DPP6: variants seen among roughly 807,000 people sequenced by gnomAD.
The protein encoded by DPP6 is A-type potassium channel modulatory protein DPP6.
A neutral mutation model predicts 122.6 loss-of-function variants in DPP6; 69 were observed. That is an observed-to-expected ratio of 0.56 (90% CI 0.46 to 0.69). DPP6 has a LOEUF of 0.69. Among genes scored for constraint, DPP6 ranks in the 30% least tolerant of loss-of-function variants. The probability of loss-of-function intolerance (pLI) is 0.00; values close to 1 mark genes in which losing one functional copy is unlikely to be tolerated. For missense variants in DPP6, 928 were observed against 1,116.9 expected (o/e 0.83, Z 2.41); for synonymous variants, 418 against 433.1 (o/e 0.97, Z 0.43).
chr7:153,837,439 T>C, the DPP6 span, among the ~76,000 whole-genome samples: 1 of 152,204 alleles, frequency 6.6e-6, no homozygotes, highest in East Asian at 1.9e-4. Context: ...TTAAATACCT[T>C]AACCAAATTC....
At chr7:154,770,985 C>A (rs1220601693) in intron 9 of DPP6, among the ~76,000 whole-genome samples, 1 of 152,206 alleles carries the variant, frequency 6.6e-6, no homozygotes, top group African/African-American at 2.4e-5. Flanking sequence ...CTGCCTGCAC[C>A]CTGCCTGGTG....
intron 1 of DPP6, among the ~76,000 whole-genome samples, chr7:153,985,159 C>A (rs1345145063): frequency 6.6e-6 from 1 of 152,196 alleles, no homozygotes; most frequent in Non-Finnish European, 1.5e-5. Flanking sequence ...GAGTGGAGGT[C>A]CATGTTTTAA....
At chr7:154,645,301 G>A (rs569846861) in intron 6 of DPP6, among the ~76,000 whole-genome samples, 20 of 152,090 alleles carry the variant, frequency 1.3e-4, no homozygotes, top group African/African-American at 4.6e-4. Context: ...TCCTGACCTC[G>A]TGACCCGCCC....
chr7:153,936,747 C>T (rs1015615322), intron 1 of DPP6, among the ~76,000 whole-genome samples: 3 of 151,700 alleles, frequency 2.0e-5, no homozygotes, highest in Admixed American at 6.6e-5. Flanking sequence ...GGAGGTGGAG[C>T]TTGCAGTGAG....
At chr7:154,383,878 A>G (rs1197161044) in intron 1 of DPP6, among the ~76,000 whole-genome samples, 1 of 131,344 alleles carries the variant, frequency 7.6e-6, no homozygotes, top group Non-Finnish European at 1.6e-5. Flanking sequence ...TGACAGAGTG[A>G]GACTCTGTCT....
intron 3 of DPP6, among the ~76,000 whole-genome samples, chr7:154,518,734 A>G (rs1237534440): frequency 6.6e-6 from 1 of 152,234 alleles, no homozygotes; most frequent in Non-Finnish European, 1.5e-5. Flanking sequence ...GGTTTCTGCT[A>G]ATAACATTAG....
At chr7:154,226,152 G>C (rs78014587) in intron 1 of DPP6, among the ~76,000 whole-genome samples, 14,845 of 152,166 alleles carry the variant, frequency 0.098, 911 homozygotes, top group African/African-American at 0.16. Flanking sequence ...GAGAAACCAT[G>C]GCCAGAGTTC....
the DPP6 span, among the ~76,000 whole-genome samples, chr7:153,877,092 A>G: frequency 6.6e-6 from 1 of 152,056 alleles, no homozygotes; most frequent in South Asian, 2.1e-4. Flanking sequence ...CACTTAGGCT[A>G]TACTAAATTT....
chr7:154,328,336 G>T (rs78298743), intron 1 of DPP6, among the ~76,000 whole-genome samples: 2 of 152,148 alleles, frequency 1.3e-5, no homozygotes, highest in Non-Finnish European at 2.9e-5. Flanking sequence ...ATCTGGAATC[G>T]ACATGAAGCT....
chr7:153,923,760 C>CAAAAAAAAA (rs1158548494), intron 1 of DPP6, among the ~76,000 whole-genome samples: 11 of 46,780 alleles, frequency 2.4e-4, no homozygotes, highest in African/African-American at 6.7e-4. Flanking sequence ...GACTCCATCT[C>CAAAAAAAAA]AAAAAAAAAA....
chr7:153,919,039 G>A (rs1470082571), intron 1 of DPP6, among the ~76,000 whole-genome samples: 2 of 150,690 alleles, frequency 1.3e-5, no homozygotes, highest in African/African-American at 2.4e-5. Context: ...TGTGTGCCTC[G>A]GTACAGTGGA....
At chr7:154,727,719 T>C (rs1420218064) in intron 7 of DPP6, 48 bp from the exon 8 acceptor site, 1 of 1,547,234 alleles carries the variant, frequency 6.5e-7, no homozygotes, top group Non-Finnish European at 8.7e-7. Flanking sequence ...AGCCTATTTA[T>C]AACCACTTCC....
At chr7:154,253,600 T>C (rs968586559) in intron 1 of DPP6, among the ~76,000 whole-genome samples, 3 of 152,236 alleles carry the variant, frequency 2.0e-5, no homozygotes, top group Non-Finnish European at 2.9e-5. Context: ...TGTATATGAC[T>C]AAACTTATAT....
intron 8 of DPP6, among the ~76,000 whole-genome samples, chr7:154,753,829 T>G (rs1843523843): frequency 6.6e-6 from 1 of 152,188 alleles, no homozygotes; most frequent in Non-Finnish European, 1.5e-5. Context: ...CATCTGTGAC[T>G]GTGGAGGATG....
chr7:154,469,626 T>G (rs1822088753), intron 2 of DPP6, among the ~76,000 whole-genome samples: 1 of 152,242 alleles, frequency 6.6e-6, no homozygotes, highest in East Asian at 1.9e-4. Context: ...TCATTGTTTC[T>G]AATCTCTTGA....
At chr7:154,615,774 C>T (rs1209122216) in intron 5 of DPP6, among the ~76,000 whole-genome samples, 3 of 152,304 alleles carry the variant, frequency 2.0e-5, no homozygotes, top group Admixed American at 6.5e-5. Flanking sequence ...TAAATACTAA[C>T]TCCCCTTTCC....
In DPP6 at chr7:154,324,639, C is replaced by T. The variant is rs771561214; in HGVS notation, c.244-121575C>T. Among the ~76,000 whole-genome samples, 130 of 152,076 alleles carry T rather than the reference C, an allele frequency of 8.5e-4. 1 individual carries two copies. Among genetic ancestry groups the T allele is most frequent in the Non-Finnish European group, 2.6e-4 (18 of 68,036 alleles). ...GGGTTGGGGGTGTTTCCTGGCCTGACGGGGCACCTTGTTCGTTTCACCCAG... is the reference window on the plus strand; with the variant it reads ...GGGTTGGGGGTGTTTCCTGGCCTGATGGGGCACCTTGTTCGTTTCACCCAG... On this transcript the variant is annotated intron_variant, in intron 1 of 25. Transcript: ENST00000377770.
At chr7:154,446,729 A>C (rs751372157) in intron 2 of DPP6, among the ~76,000 whole-genome samples, 5 of 152,242 alleles carry the variant, frequency 3.3e-5, no homozygotes, top group Admixed American at 6.5e-5. Flanking sequence ...CTAAATAGGT[A>C]CTACTGAATA....
the DPP6 span, among the ~76,000 whole-genome samples, chr7:153,779,206 AGTG>A: frequency 2.0e-5 from 3 of 147,322 alleles, no homozygotes; most frequent in Non-Finnish European, 3.0e-5. Context: ...ACCTTGGGGA[AGTG>A]GTGGAGTTCA....
Sources: allele counts gnomAD v4.1 joint callset (sites outside exome capture counted in the v4.1 genomes callset), GRCh38; gene constraint gnomAD v4.1.1; transcripts MANE v1.5; gene names NCBI Gene and HGNC (gene_info 2026-07-23, HGNC 2026-07-21).